PAPLN: variants seen among roughly 807,000 people sequenced by gnomAD.
PAPLN encodes the protein papilin, proteoglycan like sulfated glycoprotein, also known as papilin.
Under a neutral mutation model 159.0 loss-of-function variants are expected in PAPLN, and 146 were observed. The observed-to-expected ratio is 0.92, with a 90% CI of 0.80 to 1.05. The LOEUF is 1.05. Among genes scored for constraint, PAPLN ranks in the 50% least tolerant of loss-of-function variants. The pLI is 0.00. For missense variants in PAPLN, 1,720 were observed against 1,743.9 expected (o/e 0.99, Z 0.24); for synonymous variants, 734 against 702.9 (o/e 1.04, Z -0.70).
intron 6 of PAPLN, 122 bp from the exon 7 acceptor site, chr14:73,250,785 A>C: frequency 2.4e-6 from 3 of 1,228,336 alleles, no homozygotes; most frequent in Non-Finnish European, 3.2e-6. Flanking sequence ...TGGTGGCTGA[A>C]TCACTCCCGA....
Position 73,272,845 on chromosome 14 carries a change from G to C in PAPLN, c.*181G>C, listed in dbSNP as rs931437076. 1 of 519,170 alleles carries C rather than the reference G, an allele frequency of 1.9e-6. No individual in the cohort carries two copies. Among genetic ancestry groups the C allele is most frequent in the African/African-American group, 1.9e-5 (1 of 52,070 alleles). The allele number at this position is 519,170 out of a possible 1,614,324, so 32.2% of individuals were successfully genotyped here. ...GGCAGCCAGTTACCAGCTTCTCTCT[G>C]TAGCCTTCAGCAGTGTTTGCATCTC... is the stretch of plus-strand genomic sequence containing the variant. On this transcript the variant is annotated 3_prime_UTR_variant, in exon 27 of 27. Transcript: ENST00000644200.
rs1309615926 is a variant in PAPLN, at chr14:73,253,695, A to C, written c.1095-59A>C. The C allele has an allele frequency of 3.4e-6, 5 of 1,470,716 alleles. No individual in the cohort carries two copies. In the African/African-American group the frequency reaches 5.6e-5, roughly 17 times the overall value. The allele number at this position is 1,470,716 out of a possible 1,614,324, so 91.1% of individuals were successfully genotyped here. A position where few individuals can be genotyped will look rare whatever the true frequency, so the allele number is the denominator to read the frequency against. On this transcript the variant is annotated intron_variant, in intron 11 of 26. Transcript: ENST00000644200. ...TGTGTGAGTGAGGGCAGAAACCCTCAGGGCTGGGTTTCTGCCCATGCTCCT... is the reference window on the plus strand; with the variant it reads ...TGTGTGAGTGAGGGCAGAAACCCTCCGGGCTGGGTTTCTGCCCATGCTCCT...
rs1566710914 is a variant in PAPLN at position 73,268,688 on chromosome 14, T to G, written c.3632T>G (p.Val1211Gly). The G allele has an allele frequency of 1.9e-6, 3 of 1,613,402 alleles. No homozygotes were observed. In the Admixed American group the frequency reaches 5.0e-5, roughly 27 times the overall value. ...TCSAYQGSQA[V>G]SRSTEVKVVS... ...AGTGCCTACCAGGGGAGCCAGGCAG[T>G]CAGCCGCAGCACCGAGGTGAAGGTG... is the stretch of plus-strand genomic sequence containing the variant. The change falls in exon 26 of 27, where the codon GTC becomes GGC. Residue 1211 changes from valine (V) to glycine (G), a missense_variant. Transcript: ENST00000644200.
chr14:73,272,516 A>T lies in PAPLN; in HGVS notation c.3689A>T (p.Asp1230Val). 2 of 1,564,012 alleles carry T rather than the reference A, an allele frequency of 1.3e-6. No homozygotes were observed. Among genetic ancestry groups the T allele is most frequent in the Non-Finnish European group, 1.7e-6 (2 of 1,143,376 alleles). Residue 1230 changes from aspartate to valine, a missense_variant, in exon 27 of 27, where the codon GAC (aspartate) becomes GTC (valine). Transcript: ENST00000644200. ...GCAGCACCCACCGCCCAGCCCAGGG[A>T]CCCTGGCAGGGACTGCGTCGACCAG... is the stretch of plus-strand genomic sequence containing the variant. ...VSPAPTAQPRDPGRDCVDQPE... is the reference protein window; with the variant it reads ...VSPAPTAQPRVPGRDCVDQPE...
At chr14:73,236,683 A>G (rs116086270), upstream of PAPLN, among the ~76,000 whole-genome samples, 3,622 of 151,950 alleles carry the variant, frequency 0.024, 146 homozygotes, top group African/African-American at 0.08. Flanking sequence ...CAGGCATCAT[A>G]CAGACGCCTG....
chr14:73,237,259 G>T (rs1370821468), upstream of PAPLN, among the ~76,000 whole-genome samples: 1 of 152,176 alleles, frequency 6.6e-6, no homozygotes, highest in African/African-American at 2.4e-5. Flanking sequence ...GGGGAAATGG[G>T]ATTGGAGAGG....
At chr14:73,256,698 C>T (rs1363574156) in intron 14 of PAPLN, among the ~76,000 whole-genome samples, 1 of 152,010 alleles carries the variant, frequency 6.6e-6, no homozygotes, top group Admixed American at 6.6e-5. Context: ...TCAGGACCAA[C>T]ATGGCAAAAC....
chr14:73,257,673 G>A (rs1009197569), intron 14 of PAPLN, among the ~76,000 whole-genome samples: 2 of 150,888 alleles, frequency 1.3e-5, no homozygotes, highest in Non-Finnish European at 2.9e-5. Context: ...AATGCATAGT[G>A]AGCAGCCATG....
In PAPLN at chr14:73,252,043, G is replaced by C. The variant is rs775550977; in HGVS notation, c.869G>C (p.Gly290Ala). 4 of 1,612,268 alleles carry C rather than the reference G, an allele frequency of 2.5e-6. No individual in the cohort carries two copies. The highest frequency in any genetic ancestry group is 3.4e-6 in the Non-Finnish European group (4 of 1,179,476). The change falls in exon 10 of 27, where the codon GGT (glycine) becomes GCT (alanine). Residue 290 changes from glycine (G) to alanine (A), a missense_variant. By Grantham distance (60) the Gly-to-Ala change is moderately conservative (BLOSUM62 0). Coordinates refer to ENST00000644200, the MANE Select transcript of PAPLN (RefSeq NM_001365906.3). ...IELISQEPNP[G>A]VHYEYHLPLR... ...CTCATCAGCCAGGAGCCCAACCCCG[G>C]TGTGCACTATGAGTACCACCTGCCC...
chr14:73,260,615 G>C, intron 16 of PAPLN, 94 bp from the exon 17 acceptor site: 1 of 1,338,070 alleles, frequency 7.5e-7, no homozygotes, highest in Non-Finnish European at 9.6e-7. Context: ...CACCCTGTCA[G>C]CCCCCACCAT....
rs779875687 is a variant in PAPLN at position 73,272,480 on chromosome 14, CCT to C, written c.3668-14_3668-13del. ...AGCTTCCTCACCACCTTCTCTCTCC[CCT>C]GTCGTTCTGCAGCACCCACCGCCCA... On this transcript the variant is annotated splice_polypyrimidine_tract_variant and intron_variant, in intron 26 of 26. Coordinates refer to ENST00000644200, the MANE Select transcript of PAPLN (RefSeq NM_001365906.3). 3.8e-5 allele frequency: 57 copies of C among 1,501,284 alleles called. No individual in the cohort carries two copies. The highest frequency in any genetic ancestry group is 2.6e-4 in the African/African-American group (19 of 72,216). 93.0% of individuals were successfully genotyped at this position (1,501,284 alleles called of 1,614,324 possible). A position where few individuals can be genotyped will look rare whatever the true frequency, so the allele number is the denominator to read the frequency against.
intron 26 of PAPLN, among the ~76,000 whole-genome samples, chr14:73,271,576 A>T (rs1887725768): frequency 6.6e-6 from 1 of 151,130 alleles, no homozygotes; most frequent in South Asian, 2.1e-4. Flanking sequence ...GTCTCAGCTC[A>T]CTGTAACCTC....
intron 5 of PAPLN, among the ~76,000 whole-genome samples, chr14:73,248,681 G>T (rs928634342): frequency 6.6e-6 from 1 of 152,040 alleles, no homozygotes; most frequent in African/African-American, 2.4e-5. Context: ...GATTAGCTAG[G>T]CATGGTTGCA....
chr14:73,244,697 C>G lies in PAPLN; in HGVS notation c.108C>G (p.Ser36Arg), dbSNP rs1218399100. The G allele has an allele frequency of 6.3e-7, 1 of 1,598,744 alleles. No homozygotes were observed. Among genetic ancestry groups the G allele is most frequent in the Non-Finnish European group, 8.5e-7 (1 of 1,173,156 alleles). The change falls in exon 3 of 27, where the codon AGC (serine) becomes AGG (arginine). Residue 36 changes from serine to arginine, a missense_variant. Ser to Arg is a moderately radical substitution (Grantham distance 110, BLOSUM62 -1). Transcript: ENST00000644200. The stretch of plus-strand genomic sequence containing the variant: ...CCTGGGGACCCTGGAGCCAGTGGAG[C>G]CCCTGCAGCCGGACCTGTGGAGGGG... ...SDTWGPWSQW[S>R]PCSRTCGGGV...
In PAPLN at chr14:73,254,877, T is replaced by C. The variant is rs762744069; in HGVS notation, c.1486T>C (p.Cys496Arg). ...QAWHVGTWGL[C>R]SKSCSSGTRR... is the part of the protein sequence containing the mutation. ...TCTCTCTCCCACTCGTGGGCCTCAG[T>C]GCTCCAAGAGCTGCAGCTCGGGCAC... is the stretch of plus-strand genomic sequence containing the variant. The change falls in exon 14 of 27, where the codon TGC becomes CGC. Residue 496 changes from cysteine (C) to arginine (R), a missense_variant and splice_region_variant. Cys to Arg is a radical substitution (Grantham distance 180). Transcript: ENST00000644200. 1.9e-6 allele frequency: 3 copies of C among 1,611,290 alleles called. No individual in the cohort carries two copies. The highest frequency in any genetic ancestry group is 2.5e-6 in the Non-Finnish European group (3 of 1,179,910).
At chr14:73,247,920 GT>G in intron 5 of PAPLN, among the ~76,000 whole-genome samples, 2 of 130,244 alleles carry the variant, frequency 1.5e-5, no homozygotes, top group Admixed American at 7.7e-5. Flanking sequence ...GTGTGTGTGT[GT>G]GTGTGTGTGT....
chr14:73,268,075 G>C (rs1385953323), intron 25 of PAPLN, among the ~76,000 whole-genome samples: 1 of 151,708 alleles, frequency 6.6e-6, no homozygotes, highest in Admixed American at 6.6e-5. Context: ...CTGTAGTGTC[G>C]TTCTGCTTGC....
intron 23 of PAPLN, among the ~76,000 whole-genome samples, chr14:73,266,215 G>A (rs1393671279): frequency 6.6e-6 from 1 of 152,182 alleles, no homozygotes; most frequent in African/African-American, 2.4e-5. Context: ...GCACATGCCT[G>A]TAATCCCAGC....
chr14:73,264,158 A>G (rs946703638), intron 20 of PAPLN, 53 bp from the exon 21 acceptor site: 1 of 1,608,750 alleles, frequency 6.2e-7, no homozygotes, highest in African/African-American at 1.3e-5. Context: ...GGGAAGACTC[A>G]CTGTTGCCCT....
Sources: gnomAD v4.1 joint callset for allele counts (sites outside exome capture counted in the v4.1 genomes callset) on GRCh38, gnomAD v4.1.1 for gene constraint, MANE v1.5 for transcripts, NCBI Gene and HGNC (gene_info 2026-07-23, HGNC 2026-07-21) for gene names.